The following RIMS1 variants were observed in gnomAD, a reference collection of about 807,000 sequenced individuals.
The protein encoded by RIMS1 is regulating synaptic membrane exocytosis protein 1.
RIMS1 carries 83 observed loss-of-function variants against 214.1 expected under a neutral mutation model. The ratio of observed to expected loss-of-function variants is 0.39; its 90% CI spans 0.32 to 0.47. The LOEUF is 0.47. Ranked by LOEUF, RIMS1 falls within the 20% of genes least tolerant of loss-of-function variation. RIMS1 has a pLI of 0.99. For synonymous variants in RIMS1, 793 were observed against 786.8 expected (o/e 1.01, Z -0.13); for missense variants, 2,050 against 2,161.8 (o/e 0.95, Z 1.03).
intron 4 of RIMS1, among the ~76,000 whole-genome samples, chr6:72,174,639 G>A (rs2496498): frequency 0.98 from 149,753 of 152,306 alleles, 73,667 homozygotes; most frequent in East Asian, 1. Flanking sequence ...TTCCAACTCT[G>A]TAGAATATTT....
Position 72,162,734 on chromosome 6 carries a change from G to C in RIMS1, c.472-16841G>C, listed in dbSNP as rs1378653980. 1.4e-5 allele frequency among the ~76,000 whole-genome samples: 2 copies of C among 140,810 alleles called. 1 individual carries two copies. Among genetic ancestry groups the C allele is most frequent in the Non-Finnish European group, 3.2e-5 (2 of 61,978 alleles). The allele number at this position is 140,810 out of a possible 152,430, so 92.4% of individuals were successfully genotyped here. ...ATTGGCCCCCACTGTCTTCTGGCTT[G>C]TAGAGTTTCTTCCAAGAGATCAGCT... On this transcript the variant is annotated intron_variant, in intron 4 of 33. Transcript: ENST00000521978.
At chr6:72,264,574 C>A (rs975564846) in intron 19 of RIMS1, among the ~76,000 whole-genome samples, 8 of 151,958 alleles carry the variant, frequency 5.3e-5, no homozygotes, top group East Asian at 1.9e-4. Flanking sequence ...CATTAAAATT[C>A]TTTTAGTCAT....
intron 2 of RIMS1, among the ~76,000 whole-genome samples, chr6:71,992,604 CCTTCTCCTT>C (rs912330516): frequency 5.5e-5 from 7 of 127,180 alleles, no homozygotes; most frequent in East Asian, 7.1e-4. Flanking sequence ...TCCTCCTTCT[CCTTCTCCTT>C]CTTCTTCTTC....
intron 6 of RIMS1, among the ~76,000 whole-genome samples, chr6:72,228,161 C>T (rs1348865834): frequency 6.6e-6 from 1 of 151,902 alleles, no homozygotes; most frequent in Non-Finnish European, 1.5e-5. Context: ...AATAAGAACA[C>T]TTAACGTTAA....
At chr6:72,071,525 G>A (rs183404720) in intron 2 of RIMS1, among the ~76,000 whole-genome samples, 1 of 152,264 alleles carries the variant, frequency 6.6e-6, no homozygotes, top group East Asian at 1.9e-4. Context: ...AATTCAACAG[G>A]TGAGACAGTA....
intron 2 of RIMS1, among the ~76,000 whole-genome samples, chr6:72,058,950 C>A (rs1214508679): frequency 2.0e-5 from 3 of 152,138 alleles, no homozygotes; most frequent in Non-Finnish European, 2.9e-5. Flanking sequence ...AAGAAAACAG[C>A]CTCCTGACTG....
At chr6:71,979,213 GTGTGTA>G (rs1016176013) in intron 2 of RIMS1, among the ~76,000 whole-genome samples, 25 of 152,132 alleles carry the variant, frequency 1.6e-4, no homozygotes, top group Middle Eastern at 3.4e-3. Flanking sequence ...GTATATGTGT[GTGTGTA>G]TGTGTATGTG....
At chr6:72,392,499 G>C (rs1471025974) in intron 30 of RIMS1, among the ~76,000 whole-genome samples, 199 bp from the exon 31 acceptor site, 2 of 152,064 alleles carry the variant, frequency 1.3e-5, no homozygotes, top group African/African-American at 4.8e-5. Flanking sequence ...GTGTTAAATT[G>C]AGAGTTTACA....
Position 72,230,024 on chromosome 6 carries a change from C to T in RIMS1, c.1679-3749C>T, listed in dbSNP as rs188723764. The stretch of plus-strand genomic sequence containing the variant: ...GCTTCATTCAGTTCCAACTCACATC[C>T]TGCTATAGAGGACTCAAAAAAGTAA... On this transcript the variant is annotated intron_variant, in intron 6 of 33. Coordinates refer to ENST00000521978, the MANE Select transcript of RIMS1 (RefSeq NM_014989.7). Among the ~76,000 whole-genome samples, 5 of 151,738 alleles carry T rather than the reference C, an allele frequency of 3.3e-5. No homozygotes were observed. In the East Asian group the frequency reaches 5.8e-4, roughly 18 times the overall value.
At chr6:72,215,322 C>T (rs192761844) in intron 6 of RIMS1, among the ~76,000 whole-genome samples, 18 of 152,292 alleles carry the variant, frequency 1.2e-4, no homozygotes, top group Admixed American at 4.6e-4. Flanking sequence ...ATAGGCCCCC[C>T]GCTGCACCTC....
At chr6:72,313,484 C>G (rs1427931865) in intron 27 of RIMS1, 22 bp from the exon 28 acceptor site, 1 of 1,607,038 alleles carries the variant, frequency 6.2e-7, no homozygotes, top group East Asian at 2.2e-5. Flanking sequence ...GGAGCTCACA[C>G]TTTCTTGTTT....
chr6:72,241,497 C>T (rs1439407720), intron 9 of RIMS1, among the ~76,000 whole-genome samples: 1 of 152,064 alleles, frequency 6.6e-6, no homozygotes, highest in Non-Finnish European at 1.5e-5. Context: ...GTTAAAATAA[C>T]AACTGTAAGT....
chr6:72,297,931 T>C (rs1426427340), intron 26 of RIMS1, among the ~76,000 whole-genome samples: 1 of 151,998 alleles, frequency 6.6e-6, no homozygotes, highest in Non-Finnish European at 1.5e-5. Flanking sequence ...CTGGGATCTA[T>C]CTTATTAGAG....
Position 72,119,426 on chromosome 6 carries a change from ATTC to A in RIMS1, c.471+19444_471+19446del, listed in dbSNP as rs545370201. ...CAGATTTAGGGCAATTCCCATCATC[ATTC>A]TTCACAGAATTAGAAAACACAATTC... On this transcript the variant is annotated intron_variant, in intron 4 of 33. Coordinates refer to ENST00000521978, the MANE Select transcript of RIMS1 (RefSeq NM_014989.7). Among the ~76,000 whole-genome samples, 391 of 151,674 alleles carry A rather than the reference ATTC, an allele frequency of 2.6e-3. 5 individuals are homozygous for A. Among genetic ancestry groups the A allele is most frequent in the Non-Finnish European group, 4.1e-3 (280 of 67,638 alleles).
chr6:71,900,305 G>A (rs1455622090), intron 1 of RIMS1, among the ~76,000 whole-genome samples: 1 of 152,076 alleles, frequency 6.6e-6, no homozygotes, highest in African/African-American at 2.4e-5. Flanking sequence ...AGGCAGGAGT[G>A]TGGTTTGAGA....
intron 29 of RIMS1, among the ~76,000 whole-genome samples, chr6:72,387,208 C>T (rs535845125): frequency 5.3e-5 from 8 of 152,054 alleles, no homozygotes; most frequent in Non-Finnish European, 1.2e-4. Context: ...TGAACTAACA[C>T]TCTAACCTGA....
At chr6:72,262,235 A>G (rs2078362366) in intron 19 of RIMS1, 2 of 792,766 alleles carry the variant, frequency 2.5e-6, no homozygotes, top group African/African-American at 1.9e-5. Context: ...ATAATATTAT[A>G]TAATAGTTGC....
At chr6:72,248,777 G>A (rs555854941) in intron 12 of RIMS1, among the ~76,000 whole-genome samples, 1 of 152,272 alleles carries the variant, frequency 6.6e-6, no homozygotes, top group East Asian at 1.9e-4. Flanking sequence ...CTCTGATAAT[G>A]TGTGGATTTC....
At chr6:72,115,212 A>G (rs1372816506) in intron 4 of RIMS1, among the ~76,000 whole-genome samples, 1 of 151,920 alleles carries the variant, frequency 6.6e-6, no homozygotes, top group Non-Finnish European at 1.5e-5. Flanking sequence ...CAGACATTCA[A>G]TTTTCTTAGA....
Sources: allele counts gnomAD v4.1 joint callset (sites outside exome capture counted in the v4.1 genomes callset), GRCh38; gene constraint gnomAD v4.1.1; transcripts MANE v1.5; gene names NCBI Gene and HGNC (gene_info 2026-07-23, HGNC 2026-07-21).